The following BTK variants were observed in gnomAD, a reference collection of about 807,000 sequenced individuals.
The protein encoded by BTK is tyrosine-protein kinase BTK.
In BTK, 5 loss-of-function variants were observed where a neutral mutation model predicts 57.4. That is an observed-to-expected ratio of 0.09 (90% CI 0.05 to 0.18). BTK has a LOEUF of 0.18. BTK is among the 10% of genes least tolerant of loss of function. The pLI is 1.00. For synonymous variants in BTK, 154 were observed against 174.3 expected, an observed-to-expected ratio of 0.88 and a Z score of 0.92; for missense variants, 194 against 501.2, an observed-to-expected ratio of 0.39 and a Z score of 5.85.
intron 16 of BTK, 94 bp from the exon 17 acceptor site, chrX:101,354,082 C>T: frequency 1.6e-6 from 1 of 642,753 alleles, no homozygotes; most frequent in Non-Finnish European, 2.6e-6. Flanking sequence ...CACAAACACA[C>T]ACAGGCTTTC....
rs373041003 is a variant in BTK at position 101,358,707 on chromosome X, G to A, written c.895-11C>T. 8.4e-6 allele frequency: 10 copies of A among 1,195,310 alleles called. No homozygotes were observed. In the East Asian group the frequency reaches 8.9e-5, roughly 11 times the overall value. ...ACCTCCTTCTTTCCCCTGAAACAAC[G>A]AAAAAGAAGCTGTCTGTAGGAGGAA... On this transcript the variant is annotated splice_polypyrimidine_tract_variant and intron_variant, in intron 10 of 18. Coordinates refer to ENST00000308731, the MANE Select transcript of BTK (RefSeq NM_000061.3).
chrX:101,362,830 C>G, intron 5 of BTK, 141 bp from the exon 6 acceptor site: 1 of 859,157 alleles, frequency 1.2e-6, no homozygotes, highest in Admixed American at 2.3e-5. Flanking sequence ...GATCACAGGA[C>G]CAGTTGGCTC....
At position 101,349,865 on chromosome X, in the gene BTK, C is replaced by G. The variant is rs782119510; in HGVS notation, c.*20G>C. On this transcript the variant is annotated 3_prime_UTR_variant, in exon 19 of 19. Transcript: ENST00000308731. Reference sequence around the variant, plus strand: ...GGCTTGTGGAGAAGAGAAGTAGAACCAAGAAGCTTATTGGCGAGCTCAGGA... The same window carrying G: ...GGCTTGTGGAGAAGAGAAGTAGAACGAAGAAGCTTATTGGCGAGCTCAGGA... 48 of 1,190,838 alleles carry G rather than the reference C, an allele frequency of 4.0e-5. No homozygotes were observed. Among genetic ancestry groups the G allele is most frequent in the Non-Finnish European group, 5.1e-5 (45 of 878,988 alleles).
At chrX:101,387,310 C>T (rs184043698), upstream of BTK, among the ~76,000 whole-genome samples, 2 of 107,413 alleles carry the variant, frequency 1.9e-5, no homozygotes, top group African/African-American at 3.4e-5. Context: ...CTCTAAGATC[C>T]CTCCCCTCAC....
rs1477694676 is a variant in BTK at position 101,355,842 on chromosome X, A to AT, written c.1566+209dup. On this transcript the variant is annotated intron_variant, in intron 15 of 18. Transcript: ENST00000308731. ...GGGTTGGGAGTGAGTGACTGCTCTG[A>AT]TTCCCACCACGGCAGACTTCATGGA... 11 of 463,096 alleles carry AT rather than the reference A, an allele frequency of 2.4e-5. No individual in the cohort carries two copies. The East Asian group carries it at 4.2e-4, about 18-fold the overall frequency. 38.2% of individuals were successfully genotyped at this position (463,096 alleles called of 1,213,427 possible).
Position 101,359,289 on chromosome X carries a change from T to C in BTK, c.894+4A>G. On this transcript the variant is annotated splice_donor_region_variant and intron_variant, in intron 10 of 18. Transcript: ENST00000308731. ...ATGCTGTGTGCTAGTGGTTCCACACTTACCTCTTGCTTTAGCAGTTGCTCA... is the reference window on the plus strand; with the variant it reads ...ATGCTGTGTGCTAGTGGTTCCACACCTACCTCTTGCTTTAGCAGTTGCTCA... 1 of 1,211,174 alleles carries C rather than the reference T, an allele frequency of 8.3e-7. No homozygotes were observed. Among genetic ancestry groups the C allele is most frequent in the African/African-American group, 1.7e-5 (1 of 57,836 alleles).
intron 5 of BTK, among the ~76,000 whole-genome samples, chrX:101,365,519 G>A (rs375493371): frequency 2.7e-5 from 3 of 112,181 alleles, no homozygotes; most frequent in African/African-American, 9.7e-5. Flanking sequence ...AAAGCAGGGT[G>A]TACAAGTGGG....
intron 1 of BTK, among the ~76,000 whole-genome samples, chrX:101,378,397 A>AT (rs1483390380): frequency 5.4e-5 from 6 of 110,670 alleles, no homozygotes; most frequent in African/African-American, 1.3e-4. Flanking sequence ...AAAGGCCCCA[A>AT]TTTTTTTAAA....
intron 1 of BTK, among the ~76,000 whole-genome samples, chrX:101,379,772 T>C (rs1555981522): frequency 1.2e-4 from 13 of 110,099 alleles, no homozygotes. Context: ...TGGTGGTAAA[T>C]ACAGGAGATA....
Position 101,349,542 on chromosome X carries a change from C to G in BTK, c.*343G>C, listed in dbSNP as rs1474143580. On this transcript the variant is annotated 3_prime_UTR_variant, in exon 19 of 19. Coordinates refer to ENST00000308731, the MANE Select transcript of BTK (RefSeq NM_000061.3). ...ATTCTTGCCAAATTCGGTCCACCCC[C>G]ACACACACACCCCCAAGCTCTACCA... is the stretch of plus-strand genomic sequence containing the variant. The G allele has an allele frequency of 1.9e-5, 4 of 209,182 alleles. No individual in the cohort carries two copies. Among genetic ancestry groups the G allele is most frequent in the East Asian group, 6.7e-5 (1 of 14,957 alleles). The allele number at this position is 209,182 out of a possible 1,213,427, so 17.2% of individuals were successfully genotyped here.
In BTK at chrX:101,357,636, C is replaced by T. The variant is rs868972890; in HGVS notation, c.1103-53G>A. On this transcript the variant is annotated intron_variant, in intron 12 of 18. Coordinates refer to ENST00000308731, the MANE Select transcript of BTK (RefSeq NM_000061.3). ...TGGTGTGGTGTAGGAGGTGGGATGC[C>T]TCACACATCCTCACTTAAAGCCTCA... 6 of 927,496 alleles carry T rather than the reference C, an allele frequency of 6.5e-6. No homozygotes were observed. The South Asian group carries it at 9.8e-5, about 15-fold the overall frequency. The allele number at this position is 927,496 out of a possible 1,213,427, so 76.4% of individuals were successfully genotyped here. A position where few individuals can be genotyped will look rare whatever the true frequency, so the allele number is the denominator to read the frequency against.
intron 11 of BTK, 78 bp downstream of exon 11, chrX:101,358,539 G>A (rs781783354): frequency 8.5e-7 from 1 of 1,173,082 alleles, no homozygotes; most frequent in Admixed American, 2.2e-5. Context: ...GAGGAAGTGG[G>A]ACGGGCACAG....
intron 1 of BTK, among the ~76,000 whole-genome samples, chrX:101,379,646 T>C (rs1350572304): frequency 8.9e-6 from 1 of 112,229 alleles, no homozygotes; most frequent in Non-Finnish European, 1.9e-5. Flanking sequence ...TTTTTGGTCT[T>C]TGATGAGGTT....
At chrX:101,352,248 A>C (rs1400982076) in intron 18 of BTK, among the ~76,000 whole-genome samples, 1 of 111,598 alleles carries the variant, frequency 9.0e-6, no homozygotes, top group Non-Finnish European at 1.9e-5. Flanking sequence ...CCAATGACAC[A>C]CAAAGGAATG....
chrX:101,382,470 C>T (rs920933881), intron 1 of BTK, among the ~76,000 whole-genome samples: 1 of 110,673 alleles, frequency 9.0e-6, no homozygotes, highest in Non-Finnish European at 1.9e-5. Context: ...TGGACTACAG[C>T]CGCACACCAT....
chrX:101,351,031 T>G (rs1477118670), intron 18 of BTK, among the ~76,000 whole-genome samples: 6 of 112,082 alleles, frequency 5.4e-5, no homozygotes, highest in African/African-American at 9.7e-5. Flanking sequence ...AGTCTCGCTC[T>G]GTCACTCAGG....
intron 15 of BTK, 52 bp from the exon 16 acceptor site, chrX:101,354,746 A>C: frequency 8.8e-7 from 1 of 1,131,554 alleles, no homozygotes; most frequent in Non-Finnish European, 1.2e-6. Context: ...CAGAGGTTAA[A>C]GGCACAAAGC....
At chrX:101,376,053 A>G (rs569260832) in intron 1 of BTK, among the ~76,000 whole-genome samples, 1 of 111,309 alleles carries the variant, frequency 9.0e-6, no homozygotes, top group Admixed American at 9.6e-5. Context: ...GCATCATGCA[A>G]AAGTGATGCA....
chrX:101,353,002 G>T (rs1333248731), intron 18 of BTK, 192 bp downstream of exon 18: 5 of 425,204 alleles, frequency 1.2e-5, no homozygotes, highest in Non-Finnish European at 2.0e-5. Context: ...GGAGGCGAAG[G>T]TTGCAGTAAG....
Sources: allele counts gnomAD v4.1 joint callset (sites outside exome capture counted in the v4.1 genomes callset), GRCh38; gene constraint gnomAD v4.1.1; transcripts MANE v1.5; gene names NCBI Gene and HGNC (gene_info 2026-07-23, HGNC 2026-07-21).